The following DOK1 variants were observed in gnomAD, a reference collection of about 807,000 sequenced individuals.
The protein encoded by DOK1 is Downstream of tyrosine kinase 1.
A neutral mutation model predicts 24.0 loss-of-function variants in DOK1; 12 were observed. The observed-to-expected ratio is 0.50, with a 90% CI of 0.32 to 0.81. DOK1 has a LOEUF of 0.81. Among genes scored for constraint, DOK1 ranks in the 30% least tolerant of loss-of-function variants. The probability of loss-of-function intolerance (pLI) is 0.03; values close to 1 mark genes in which losing one functional copy is unlikely to be tolerated. For synonymous variants in DOK1, 250 were observed against 260.9 expected (o/e 0.96, Z 0.40); for missense variants, 591 against 620.7 (o/e 0.95, Z 0.51).
In DOK1 at chr2:74,557,293, G is replaced by A. The variant is rs1677552355; in HGVS notation, c.*179G>A. ...ACAATCCCAGGAAGTCCTAAGAAGT[G>A]GGGCAGATGGCAGGGCTGAGGATGG... On this transcript the variant is annotated 3_prime_UTR_variant, in exon 5 of 5. Coordinates refer to ENST00000233668, the MANE Select transcript of DOK1 (RefSeq NM_001381.5). 1 of 635,104 alleles carries A rather than the reference G, an allele frequency of 1.6e-6. No homozygotes were observed. 39.3% of individuals were successfully genotyped at this position (635,104 alleles called of 1,614,324 possible). A position where few individuals can be genotyped will look rare whatever the true frequency, so the allele number is the denominator to read the frequency against.
At chr2:74,553,533 A>G (rs1432719028), upstream of DOK1, among the ~76,000 whole-genome samples, 15 of 152,158 alleles carry the variant, frequency 9.9e-5, no homozygotes. Flanking sequence ...TAGGGCTGAG[A>G]ACAGCCCCTC....
rs1199110006 is a variant in DOK1 at position 74,556,102 on chromosome 2, T to C, written c.639+24T>C. 1.9e-6 allele frequency: 3 copies of C among 1,556,834 alleles called. No individual in the cohort carries two copies. Among genetic ancestry groups the C allele is most frequent in the Non-Finnish European group, 2.6e-6 (3 of 1,149,246 alleles). Reference sequence around the variant, plus strand: ...AGGTGCAGGGGCTGTCCGGGAGGGCTTCCTGGGTTGGGCAGCTGTGGGAGG... The same window carrying C: ...AGGTGCAGGGGCTGTCCGGGAGGGCCTCCTGGGTTGGGCAGCTGTGGGAGG... On this transcript the variant is annotated intron_variant, in intron 4 of 4. Transcript: ENST00000233668. This position sits in a 1 kb window ranked among gnomAD's most constrained non-coding sequence, Gnocchi z 4.1.
Position 74,549,497 on chromosome 2 carries a change from C to T in DOK1, c.-358+325C>T. On this transcript the variant is annotated intron_variant, in intron 1 of 4. Coordinates refer to the DOK1 transcript ENST00000409429. This position sits in a 1 kb window ranked among gnomAD's most constrained non-coding sequence, Gnocchi z 5.3. Reference sequence around the variant, plus strand: ...AGCCGTCAGGAAGCCTGACTTCCACCAGCCCCTCCGTCACGGGCAGGGGTC... The same window carrying T: ...AGCCGTCAGGAAGCCTGACTTCCACTAGCCCCTCCGTCACGGGCAGGGGTC... The T allele has an allele frequency of 6.2e-7, 1 of 1,613,690 alleles. No individual in the cohort carries two copies. Among genetic ancestry groups the T allele is most frequent in the African/African-American group, 1.3e-5 (1 of 75,072 alleles).
chr2:74,553,266 G>A (rs1677143591), upstream of DOK1, among the ~76,000 whole-genome samples: 1 of 152,088 alleles, frequency 6.6e-6, no homozygotes, highest in Non-Finnish European at 1.5e-5. Context: ...CTGAATGGGA[G>A]CCCAGAGTCC....
At chr2:74,554,641 C>A (rs979260195), upstream of DOK1, 108 of 1,010,070 alleles carry the variant, frequency 1.1e-4, 1 homozygote, top group Non-Finnish European at 3.2e-5. This position sits in a 1 kb window ranked among gnomAD's most constrained non-coding sequence, Gnocchi z 4.9. Flanking sequence ...ACCCCCCCAG[C>A]GGCTGCCGGC....
rs1030185107 is a variant in DOK1 at position 74,554,994 on chromosome 2, C to T, written c.61-160C>T. ...CGTCTGTAGTCTAGGGGTTCTGGTC[C>T]TGGGGAGACGGAGTGGCATCGTCCT... On this transcript the variant is annotated intron_variant, in intron 1 of 4. Transcript: ENST00000233668. This position sits in a 1 kb window ranked among gnomAD's most constrained non-coding sequence, Gnocchi z 4.9. 8.7e-6 allele frequency: 12 copies of T among 1,377,100 alleles called. No individual in the cohort carries two copies. The highest frequency in any genetic ancestry group is 1.2e-5 in the Non-Finnish European group (12 of 1,002,664). 85.3% of individuals were successfully genotyped at this position (1,377,100 alleles called of 1,614,324 possible). A position where few individuals can be genotyped will look rare whatever the true frequency, so the allele number is the denominator to read the frequency against.
upstream of DOK1, among the ~76,000 whole-genome samples, chr2:74,551,611 G>GCAGCT (rs1413447025): frequency 2.0e-5 from 3 of 152,170 alleles, no homozygotes; most frequent in Non-Finnish European, 4.4e-5. Flanking sequence ...TCACATCTAG[G>GCAGCT]CAGCTCTCCT....
upstream of DOK1, chr2:74,550,095 G>GTAAC: frequency 6.7e-7 from 1 of 1,502,542 alleles, no homozygotes; most frequent in East Asian, 2.3e-5. Context: ...TCCCCCAGGG[G>GTAAC]TAACTACCTT....
chr2:74,554,884 A>C lies in DOK1; in HGVS notation c.60+70A>C. ...GGTGAGAGAGCCCAGAAACAGGGAGAGGTGGGCAGCGGGCTGGAGAGCGGC... is the reference window on the plus strand; with the variant it reads ...GGTGAGAGAGCCCAGAAACAGGGAGCGGTGGGCAGCGGGCTGGAGAGCGGC... On this transcript the variant is annotated intron_variant, in intron 1 of 4. Coordinates refer to ENST00000233668, the MANE Select transcript of DOK1 (RefSeq NM_001381.5). The surrounding 1 kb of genome is among the most constrained non-coding windows in gnomAD (Gnocchi z 4.9). 6.3e-7 allele frequency: 1 copy of C among 1,596,616 alleles called. No individual in the cohort carries two copies. Among genetic ancestry groups the C allele is most frequent in the South Asian group, 1.1e-5 (1 of 89,118 alleles).
chr2:74,555,041 C>A lies in DOK1; in HGVS notation c.61-113C>A. 1 of 1,437,038 alleles carries A rather than the reference C, an allele frequency of 7.0e-7. No individual in the cohort carries two copies. Among genetic ancestry groups the A allele is most frequent in the Non-Finnish European group, 9.3e-7 (1 of 1,072,176 alleles). The allele number at this position is 1,437,038 out of a possible 1,614,324, so 89.0% of individuals were successfully genotyped here. On this transcript the variant is annotated intron_variant, in intron 1 of 4. Coordinates refer to ENST00000233668, the MANE Select transcript of DOK1 (RefSeq NM_001381.5). This position sits in a 1 kb window ranked among gnomAD's most constrained non-coding sequence, Gnocchi z 6.1. ...TCCTTGGGAAACTTCGCCCCCAACC[C>A]CGTTTGGAAGCCCCAGATCCCAAAT...
rs1324604150 is a variant in DOK1 at position 74,554,738 on chromosome 2, A to G, written c.-17A>G. 1 of 1,607,658 alleles carries G rather than the reference A, an allele frequency of 6.2e-7. No homozygotes were observed. Among genetic ancestry groups the G allele is most frequent in the Admixed American group, 1.7e-5 (1 of 59,900 alleles). On this transcript the variant is annotated 5_prime_UTR_variant, in exon 1 of 5. Transcript: ENST00000233668. This position sits in a 1 kb window ranked among gnomAD's most constrained non-coding sequence, Gnocchi z 4.9. The stretch of plus-strand genomic sequence containing the variant: ...CCGCCGCAGGGCCAGGAAGCGCGGA[A>G]GGAACCGCCGGGGGCCATGGACGGA...
upstream of DOK1, chr2:74,554,376 C>A (rs114177497): frequency 8.2e-3 from 1,928 of 235,680 alleles, 36 homozygotes; most frequent in African/African-American, 0.043. This position sits in a 1 kb window ranked among gnomAD's most constrained non-coding sequence, Gnocchi z 4.9. Context: ...CCCGGAGGCC[C>A]GTGTGGGTCT....
chr2:74,550,090 C>A, upstream of DOK1: 1 of 1,498,048 alleles, frequency 6.7e-7, no homozygotes, highest in Non-Finnish European at 8.9e-7. Flanking sequence ...AATGATCCCC[C>A]AGGGGTAACT....
At chr2:74,551,816 C>T (rs114438054), upstream of DOK1, among the ~76,000 whole-genome samples, 3 of 152,364 alleles carry the variant, frequency 2.0e-5, no homozygotes, top group Non-Finnish European at 4.4e-5. Flanking sequence ...GCTCTTAAGC[C>T]TCCACCACCC....
At chr2:74,553,432 G>T (rs1475931062), upstream of DOK1, among the ~76,000 whole-genome samples, 1 of 152,206 alleles carries the variant, frequency 6.6e-6, no homozygotes, top group Non-Finnish European at 1.5e-5. Flanking sequence ...ATGGGGTAGG[G>T]TTGTCCCAGC....
At chr2:74,552,531 T>C, upstream of DOK1, 1 of 1,613,198 alleles carries the variant, frequency 6.2e-7, no homozygotes, top group South Asian at 1.1e-5. Context: ...CCCGGCCTTC[T>C]TCTCAGGGCC....
In DOK1 at chr2:74,555,079, C is replaced by A. The variant is rs533910133; in HGVS notation, c.61-75C>A. ...CCAGATCCCAAATCGACTTGCGCCG[C>A]AACCTCCTTCCCCGTCGGGACCCGG... On this transcript the variant is annotated intron_variant, in intron 1 of 4. Coordinates refer to ENST00000233668, the MANE Select transcript of DOK1 (RefSeq NM_001381.5). This position sits in a 1 kb window ranked among gnomAD's most constrained non-coding sequence, Gnocchi z 6.1. 1.9e-5 allele frequency: 29 copies of A among 1,518,402 alleles called. No homozygotes were observed. The African/African-American group carries it at 3.7e-4, about 19-fold the overall frequency. 94.1% of individuals were successfully genotyped at this position (1,518,402 alleles called of 1,614,324 possible).
chr2:74,552,701 G>A (rs934324725), upstream of DOK1: 20 of 1,392,792 alleles, frequency 1.4e-5, no homozygotes, highest in South Asian at 1.6e-4. Context: ...GTGGGGCCCA[G>A]AGTCAGAAAG....
rs1269222273 is a variant in DOK1, at chr2:74,554,855, A to C, written c.60+41A>C. On this transcript the variant is annotated intron_variant, in intron 1 of 4. Transcript: ENST00000233668. The surrounding 1 kb of genome is among the most constrained non-coding windows in gnomAD (Gnocchi z 4.9). ...GATGCCGAACCTTATCCGGGCTAGT[A>C]GTGGGTGAGAGAGCCCAGAAACAGG... 1.2e-6 allele frequency: 2 copies of C among 1,610,952 alleles called. No homozygotes were observed. The highest frequency in any genetic ancestry group is 2.2e-5 in the South Asian group (2 of 90,616).
Sources: gnomAD v4.1 joint callset for allele counts (sites outside exome capture counted in the v4.1 genomes callset) on GRCh38, gnomAD v4.1.1 for gene constraint, Gnocchi (gnomAD v3.1) non-coding constraint, MANE v1.5 for transcripts, NCBI Gene and HGNC (gene_info 2026-07-23, HGNC 2026-07-21) for gene names.